Variants in KIF1B observed in about 807,000 individuals in gnomAD.
The protein encoded by KIF1B is kinesin-like protein KIF1B.
In KIF1B, 76 loss-of-function variants were observed where a neutral mutation model predicts 241.9. The ratio of observed to expected loss-of-function variants is 0.31; its 90% CI spans 0.26 to 0.38. The LOEUF (loss-of-function observed/expected upper bound fraction) is 0.38. Among genes scored for constraint, KIF1B ranks in the 10% least tolerant of loss-of-function variants. The pLI, the probability that KIF1B is intolerant of heterozygous loss-of-function variation, is 1.00. For missense variants in KIF1B, 1,622 were observed against 2,271.4 expected, an observed-to-expected ratio of 0.71 and a Z score of 5.81; for synonymous variants, 750 against 796.7, an observed-to-expected ratio of 0.94 and a Z score of 0.99.
rs746880888 is a variant in KIF1B at position 10,375,061 on chromosome 1, G to A, written c.5289+15G>A. 3.7e-6 allele frequency: 6 copies of A among 1,613,674 alleles called. No individual in the cohort carries two copies. The highest frequency in any genetic ancestry group is 2.2e-5 in the East Asian group (1 of 44,902). The stretch of plus-strand genomic sequence containing the variant: ...CCATGGTGAAGGTCCGTCCTGCCCT[G>A]CCTTGGTTTCTTATTGCCACGTGTG... On this transcript the variant is annotated intron_variant, in intron 47 of 48. Transcript: ENST00000676179.
At chr1:10,215,031 A>G (rs1463950970) in intron 1 of KIF1B, among the ~76,000 whole-genome samples, 1 of 150,182 alleles carries the variant, frequency 6.7e-6, no homozygotes, top group Admixed American at 6.7e-5. Context: ...TACTGTACTT[A>G]TTATCTAATA....
rs1297683112 is a variant in KIF1B, at chr1:10,363,794, T to G, written c.4366+450T>G. 3.3e-5 allele frequency among the ~76,000 whole-genome samples: 5 copies of G among 152,338 alleles called. No individual in the cohort carries two copies. In the East Asian group the frequency reaches 9.6e-4, roughly 29 times the overall value. ...CTCTTGTTCCTCTAGCTAGGCGGAG[T>G]TAAGCAGCACTTAGCATTTCTATGT... On this transcript the variant is annotated intron_variant, in intron 41 of 48. Transcript: ENST00000676179.
chr1:10,295,627 A>G, intron 18 of KIF1B, 33 bp from the exon 19 acceptor site: 1 of 1,590,446 alleles, frequency 6.3e-7, no homozygotes, highest in South Asian at 1.1e-5. Flanking sequence ...CTGTGTCTGA[A>G]TTTCCCTGGG....
chr1:10,376,610 C>T lies in KIF1B; in HGVS notation c.*23C>T, dbSNP rs899877385. Reference sequence around the variant, plus strand: ...TAAGTGACTCTGCCGAGTGCCCTCACTCGCCTTCGAGAGATAAAGAAAGCG... The same window carrying T: ...TAAGTGACTCTGCCGAGTGCCCTCATTCGCCTTCGAGAGATAAAGAAAGCG... On this transcript the variant is annotated 3_prime_UTR_variant, in exon 49 of 49. Transcript: ENST00000676179. The T allele has an allele frequency of 6.2e-7, 1 of 1,612,056 alleles. No individual in the cohort carries two copies. Among genetic ancestry groups the T allele is most frequent in the South Asian group, 1.1e-5 (1 of 91,048 alleles).
At chr1:10,213,502 GT>G (rs1646724129) in intron 1 of KIF1B, among the ~76,000 whole-genome samples, 1 of 152,060 alleles carries the variant, frequency 6.6e-6, no homozygotes, top group East Asian at 1.9e-4. Context: ...TCTCACTGTG[GT>G]CTTGTCCTGG....
At chr1:10,322,914 C>G (rs2102297626) in intron 24 of KIF1B, among the ~76,000 whole-genome samples, 1 of 152,260 alleles carries the variant, frequency 6.6e-6, no homozygotes, top group Non-Finnish European at 1.5e-5. Flanking sequence ...TTATTAAACA[C>G]TTTTATAAAA....
In KIF1B at chr1:10,266,677, C is replaced by T. The variant is rs144072810; in HGVS notation, c.430-703C>T. 2.8e-3 allele frequency among the ~76,000 whole-genome samples: 432 copies of T among 152,224 alleles called. 2 individuals are homozygous for T. Among genetic ancestry groups the T allele is most frequent in the South Asian group, 0.012 (57 of 4,818 alleles). On this transcript the variant is annotated intron_variant, in intron 5 of 48. Transcript: ENST00000676179. ...TTAACTCTAATAGAAATCTTATTTC[C>T]GAGTTCTTGGAGTAACCTCAATGCA...
At chr1:10,262,592 G>C (rs1648211678) in intron 5 of KIF1B, among the ~76,000 whole-genome samples, 1 of 152,270 alleles carries the variant, frequency 6.6e-6, no homozygotes, top group African/African-American at 2.4e-5. Flanking sequence ...GTCACACTAG[G>C]AGGGTGTAAG....
intron 34 of KIF1B, among the ~76,000 whole-genome samples, chr1:10,344,018 A>C (rs552025523): frequency 6.6e-6 from 1 of 152,032 alleles, no homozygotes; most frequent in African/African-American, 2.4e-5. Context: ...CTCATTGCCT[A>C]TTCGCCAAAT....
At chr1:10,347,916 C>A in intron 36 of KIF1B, 89 bp downstream of exon 36, 1 of 1,169,194 alleles carries the variant, frequency 8.6e-7, no homozygotes, top group Non-Finnish European at 1.3e-6. Flanking sequence ...TCTCTGTTTT[C>A]ATCTCTATTT....
intron 1 of KIF1B, among the ~76,000 whole-genome samples, chr1:10,225,555 A>G (rs1303985957): frequency 6.6e-6 from 1 of 152,166 alleles, no homozygotes; most frequent in Non-Finnish European, 1.5e-5. Context: ...GAGCAATTGT[A>G]TTTGGTTTTG....
chr1:10,215,732 A>G (rs1305803746), intron 1 of KIF1B, among the ~76,000 whole-genome samples: 1 of 151,918 alleles, frequency 6.6e-6, no homozygotes, highest in African/African-American at 2.4e-5. Flanking sequence ...TTTTGTAGAG[A>G]TGGAGGTCTC....
intron 7 of KIF1B, among the ~76,000 whole-genome samples, chr1:10,270,234 C>G (rs1232303126): frequency 6.6e-6 from 1 of 152,186 alleles, no homozygotes; most frequent in South Asian, 2.1e-4. Context: ...TAGTCTTTCT[C>G]TATCCCTTCT....
chr1:10,381,245 A>C lies in KIF1B; in HGVS notation c.*4658A>C, dbSNP rs1639015584. The stretch of plus-strand genomic sequence containing the variant: ...AAAGTACCTGTCTGTTGAGATTTCA[A>C]GTCTCTTGTCACCATCCTCACACAT... On this transcript the variant is annotated 3_prime_UTR_variant, in exon 49 of 49. Transcript: ENST00000676179. 1 of 225,580 alleles carries C rather than the reference A, an allele frequency of 4.4e-6. No individual in the cohort carries two copies. The highest frequency in any genetic ancestry group is 6.4e-5 in the East Asian group (1 of 15,520). 14.0% of individuals were successfully genotyped at this position (225,580 alleles called of 1,614,324 possible). A position where few individuals can be genotyped will look rare whatever the true frequency, so the allele number is the denominator to read the frequency against.
At chr1:10,296,337 C>T (rs989784067) in intron 19 of KIF1B, among the ~76,000 whole-genome samples, 7 of 152,082 alleles carry the variant, frequency 4.6e-5, no homozygotes, top group Admixed American at 4.6e-4. Context: ...CTAATATTTC[C>T]TATCATCTTC....
rs372421679 is a variant in KIF1B at position 10,371,159 on chromosome 1, A to G, written c.4843A>G (p.Ile1615Val). 1.5e-5 allele frequency: 25 copies of G among 1,613,924 alleles called. No individual in the cohort carries two copies. Among genetic ancestry groups the G allele is most frequent in the Non-Finnish European group, 1.9e-5 (22 of 1,180,018 alleles). ...CTTCCAGTTGTCTGATATCTCTCCA[A>G]TTGGACGGGATCCCTCTGAGTCCAG... ...SDCKLSDISP[I>V]GRDPSESSFS... The change falls in exon 45 of 49, where the codon ATT becomes GTT. Residue 1615 changes from isoleucine to valine, a missense_variant. Ile to Val is a conservative substitution (Grantham distance 29). This residue lies in a region of KIF1B where 357 missense variants were observed against 409.0 expected (regional missense o/e 0.87). Coordinates refer to ENST00000676179, the MANE Select transcript of KIF1B (RefSeq NM_001365951.3).
Position 10,337,438 on chromosome 1 carries a change from C to T in KIF1B, c.3327C>T (p.Asn1109=). ...AAGGGTTTTCTGAAGAGATTGGCAA[C>T]CACCTGAAACTGGGCAGTGCCTTCA... ...VMEGFSEEIG[N]HLKLGSAFTF... is the part of the protein sequence containing the mutation. Residue 1109 remains asparagine, a synonymous_variant, in exon 31 of 49, where the codon AAC becomes AAT. Coordinates refer to ENST00000676179, the MANE Select transcript of KIF1B (RefSeq NM_001365951.3). The surrounding 1 kb of genome is among the most constrained non-coding windows in gnomAD (Gnocchi z 4.0). The T allele has an allele frequency of 6.2e-7, 1 of 1,614,176 alleles. No homozygotes were observed. Among genetic ancestry groups the T allele is most frequent in the South Asian group, 1.1e-5 (1 of 91,088 alleles).
At chr1:10,280,533 C>T (rs1649359515) in intron 14 of KIF1B, among the ~76,000 whole-genome samples, 1 of 152,184 alleles carries the variant, frequency 6.6e-6, no homozygotes, top group Admixed American at 6.5e-5. Flanking sequence ...CAAGCCCAGC[C>T]ACCTGAGTTG....
At chr1:10,230,848 C>T (rs1646971027) in intron 1 of KIF1B, 1 of 152,162 alleles carries the variant, frequency 6.6e-6, no homozygotes, top group South Asian at 2.1e-4. Flanking sequence ...TTTCCTATTA[C>T]TTCATTCAGT....
Sources: allele counts gnomAD v4.1 joint callset (sites outside exome capture counted in the v4.1 genomes callset), GRCh38; gene constraint gnomAD v4.1.1; regional missense constraint gnomAD v4.1.1; non-coding constraint Gnocchi (gnomAD v3.1); transcripts MANE v1.5; gene names NCBI Gene and HGNC (gene_info 2026-07-23, HGNC 2026-07-21).